Variants in CAPZA1 observed in about 807,000 individuals in gnomAD.
CAPZA1 encodes F-actin-capping protein subunit alpha-1.
Under a neutral mutation model 40.8 loss-of-function variants are expected in CAPZA1, and 10 were observed. That is an observed-to-expected ratio of 0.25 (90% CI 0.15 to 0.42). The LOEUF (loss-of-function observed/expected upper bound fraction) is 0.42. Ranked by LOEUF, CAPZA1 falls within the 10% of genes least tolerant of loss-of-function variation. CAPZA1 has a pLI of 1.00. For synonymous variants in CAPZA1, 98 were observed against 115.0 expected (o/e 0.85, Z 0.95); for missense variants, 277 against 353.8 (o/e 0.78, Z 1.74).
intron 1 of CAPZA1, among the ~76,000 whole-genome samples, chr1:112,639,858 G>A (rs1671100492): frequency 6.8e-6 from 1 of 148,102 alleles, no homozygotes; most frequent in East Asian, 2.1e-4. Flanking sequence ...CCGTCCGGGA[G>A]GGAGGTGGGG....
chr1:112,644,888 A>T (rs775304180), intron 1 of CAPZA1, among the ~76,000 whole-genome samples: 1 of 152,212 alleles, frequency 6.6e-6, no homozygotes. Flanking sequence ...AGGATCTTAC[A>T]TCAGTTTAAG....
At chr1:112,637,018 C>CT (rs1289917825) in intron 1 of CAPZA1, among the ~76,000 whole-genome samples, 1 of 152,198 alleles carries the variant, frequency 6.6e-6, no homozygotes, top group Non-Finnish European at 1.5e-5. Flanking sequence ...TTAAAACAGT[C>CT]TAAAAGGACA....
intron 1 of CAPZA1, among the ~76,000 whole-genome samples, chr1:112,632,365 C>T (rs1452238262): frequency 6.6e-6 from 1 of 152,174 alleles, no homozygotes; most frequent in Non-Finnish European, 1.5e-5. Context: ...ACAGTAAAGA[C>T]AGCTGGGTAT....
intron 3 of CAPZA1, among the ~76,000 whole-genome samples, chr1:112,652,133 A>G (rs1326900179): frequency 6.6e-6 from 1 of 151,668 alleles, no homozygotes; most frequent in Non-Finnish European, 1.5e-5. Flanking sequence ...CCACCCCCCA[A>G]AAAAATAAAT....
chr1:112,655,058 A>G (rs1012152002), intron 5 of CAPZA1, among the ~76,000 whole-genome samples: 1 of 151,848 alleles, frequency 6.6e-6, no homozygotes, highest in Non-Finnish European at 1.5e-5. Flanking sequence ...GGACATGGAG[A>G]AAAAAATGGT....
intron 1 of CAPZA1, among the ~76,000 whole-genome samples, chr1:112,624,953 A>G (rs998955718): frequency 3.9e-5 from 6 of 152,220 alleles, no homozygotes; most frequent in African/African-American, 9.7e-5. Context: ...AATTGAAACC[A>G]TGTCTCTTTA....
chr1:112,646,817 A>G (rs931999092), intron 1 of CAPZA1: 4 of 152,066 alleles, frequency 2.6e-5, no homozygotes, highest in African/African-American at 9.7e-5. Context: ...AACTTATTAT[A>G]TTGAACCGTC....
Position 112,659,756 on chromosome 1 carries a change from G to A in CAPZA1, c.562G>A (p.Val188Met). Residue 188 changes from valine to methionine, a missense_variant, in exon 7 of 10, where the codon GTG (valine) becomes ATG (methionine). Coordinates refer to ENST00000263168, the MANE Select transcript of CAPZA1 (RefSeq NM_006135.3). ...CACCATCACACCACCTACAGCCCAG[G>A]TGGTTGGCGTGCTTAAGATTCAGGT... ...KFTITPPTAQ[V>M]VGVLKIQVHY... 6.2e-7 allele frequency: 1 copy of A among 1,613,718 alleles called. No homozygotes were observed. The highest frequency in any genetic ancestry group is 8.5e-7 in the Non-Finnish European group (1 of 1,179,812).
chr1:112,657,341 T>C (rs1310303680), intron 5 of CAPZA1, among the ~76,000 whole-genome samples: 1 of 152,136 alleles, frequency 6.6e-6, no homozygotes, highest in African/African-American at 2.4e-5. Context: ...CTCATCTCTC[T>C]CTGCATCACC....
At chr1:112,668,466 T>G (rs1250440328) in intron 8 of CAPZA1, among the ~76,000 whole-genome samples, 2 of 152,168 alleles carry the variant, frequency 1.3e-5, no homozygotes, top group Non-Finnish European at 2.9e-5. Context: ...GATGGCGGAC[T>G]TTATTGTGAT....
At position 112,656,466 on chromosome 1, in the gene CAPZA1, T is replaced by A. The variant is rs4604691; in HGVS notation, c.426+1795T>A. Among the ~76,000 whole-genome samples, 2 of 94,336 alleles carry A rather than the reference T, an allele frequency of 2.1e-5. 1 individual carries two copies. The highest frequency in any genetic ancestry group is 4.4e-5 in the Non-Finnish European group (2 of 45,278). The allele number at this position is 94,336 out of a possible 152,430, so 61.9% of individuals were successfully genotyped here. On this transcript the variant is annotated intron_variant, in intron 5 of 9. Transcript: ENST00000263168. ...TTTTTTTTTTTTTTTTTTTTTTTTT[T>A]AATGAGAATACCCATTATGGTGGAC...
intron 8 of CAPZA1, 141 bp downstream of exon 8, chr1:112,667,286 C>T: frequency 1.7e-6 from 1 of 604,556 alleles, no homozygotes; most frequent in South Asian, 2.1e-5. Context: ...CTGTTAGTGC[C>T]TCTTATCACC....
chr1:112,644,413 A>C (rs1570712951), intron 1 of CAPZA1, among the ~76,000 whole-genome samples: 1 of 151,694 alleles, frequency 6.6e-6, no homozygotes, highest in East Asian at 1.9e-4. Context: ...CTGGTCTTGA[A>C]GTCCTGACCT....
chr1:112,637,658 C>A (rs930778549), intron 1 of CAPZA1, among the ~76,000 whole-genome samples: 2 of 152,150 alleles, frequency 1.3e-5, no homozygotes, highest in South Asian at 4.1e-4. Flanking sequence ...TACTGTGTTG[C>A]CTAGGCTGGG....
chr1:112,639,286 A>C (rs190408466), intron 1 of CAPZA1, among the ~76,000 whole-genome samples: 2 of 152,234 alleles, frequency 1.3e-5, no homozygotes, highest in Admixed American at 1.3e-4. Flanking sequence ...GCTTTCATTT[A>C]AAAACTGGGA....
Position 112,669,619 on chromosome 1 carries a change from G to T in CAPZA1, c.720+14G>T. ...AATGAGTATCAGGTAAGAAGATTTG[G>T]AGTTAATTTTCCTAGATCTACTATC... On this transcript the variant is annotated intron_variant, in intron 9 of 9. Coordinates refer to ENST00000263168, the MANE Select transcript of CAPZA1 (RefSeq NM_006135.3). The T allele has an allele frequency of 6.4e-7, 1 of 1,560,182 alleles. No individual in the cohort carries two copies. The highest frequency in any genetic ancestry group is 1.1e-5 in the South Asian group (1 of 89,286).
Position 112,659,522 on chromosome 1 carries a change from A to C in CAPZA1, c.507-179A>C, listed in dbSNP as rs547719217. The C allele has an allele frequency of 5.1e-6, 3 of 590,416 alleles. No individual in the cohort carries two copies. The South Asian group carries it at 6.7e-5, about 13-fold the overall frequency. The allele number at this position is 590,416 out of a possible 1,614,324, so 36.6% of individuals were successfully genotyped here. The stretch of plus-strand genomic sequence containing the variant: ...TTATGGTCAGGCCACTTAGATCCAG[A>C]CTTACATTTGAGTAGACAGAGCTTT... On this transcript the variant is annotated intron_variant, in intron 6 of 9. Transcript: ENST00000263168.
intron 7 of CAPZA1, among the ~76,000 whole-genome samples, chr1:112,660,438 G>A (rs1277124173): frequency 6.6e-6 from 1 of 151,852 alleles, no homozygotes; most frequent in Non-Finnish European, 1.5e-5. Context: ...GCGCCATCAC[G>A]CCTAGCTAAT....
At chr1:112,648,225 ATTGT>A (rs1474619386) in intron 2 of CAPZA1, among the ~76,000 whole-genome samples, 11 of 152,050 alleles carry the variant, frequency 7.2e-5, no homozygotes, top group Admixed American at 1.3e-4. Context: ...TTTTTCTAAA[ATTGT>A]TTGTGGATTT....
Sources: allele counts gnomAD v4.1 joint callset (sites outside exome capture counted in the v4.1 genomes callset), GRCh38; gene constraint gnomAD v4.1.1; transcripts MANE v1.5; gene names NCBI Gene and HGNC (gene_info 2026-07-23, HGNC 2026-07-21).